Variants in CCDC91 observed in about 807,000 individuals in gnomAD.
The protein encoded by CCDC91 is coiled-coil domain containing 91.
A neutral mutation model predicts 63.2 loss-of-function variants in CCDC91; 48 were observed. That is an observed-to-expected ratio of 0.76 (90% CI 0.60 to 0.97). CCDC91 has a LOEUF of 0.97. Among genes scored for constraint, CCDC91 ranks in the 50% least tolerant of loss-of-function variants. The probability of loss-of-function intolerance (pLI) is 0.00; values close to 1 mark genes in which losing one functional copy is unlikely to be tolerated. For missense variants in CCDC91, 500 were observed against 494.6 expected (o/e 1.01, Z -0.10); for synonymous variants, 167 against 165.8 (o/e 1.01, Z -0.06).
intron 1 of CCDC91, chr12:28,256,604 C>T (rs773383352): frequency 6.6e-6 from 1 of 152,170 alleles, no homozygotes; most frequent in Non-Finnish European, 1.5e-5. Flanking sequence ...TCCCTCATCT[C>T]CCATGAATAC....
chr12:28,444,025 T>C (rs550152418), intron 8 of CCDC91, among the ~76,000 whole-genome samples: 3 of 152,164 alleles, frequency 2.0e-5, no homozygotes, highest in Non-Finnish European at 4.4e-5. Flanking sequence ...GGTGATAGCA[T>C]CATTGGTCAC....
chr12:28,418,020 T>C (rs1947785070), intron 8 of CCDC91, among the ~76,000 whole-genome samples: 1 of 152,156 alleles, frequency 6.6e-6, no homozygotes, highest in Non-Finnish European at 1.5e-5. Context: ...AAATCTGCAA[T>C]AAAACATACA....
chr12:28,346,158 A>G (rs1942796524), intron 6 of CCDC91, among the ~76,000 whole-genome samples: 1 of 152,138 alleles, frequency 6.6e-6, no homozygotes, highest in African/African-American at 2.4e-5. Context: ...GTGAATCTCA[A>G]GTGTCCTGGC....
chr12:28,404,136 T>C lies in CCDC91; in HGVS notation c.762+12725T>C, dbSNP rs77624152. Among the ~76,000 whole-genome samples, 436 of 152,238 alleles carry C rather than the reference T, an allele frequency of 2.9e-3. 2 individuals are homozygous for C. Among genetic ancestry groups the C allele is most frequent in the African/African-American group, 0.01 (420 of 41,578 alleles). The stretch of plus-strand genomic sequence containing the variant: ...TGTTAATTTTAGATCTTTCTTCTCT[T>C]CTAATACATGAATTCAATATTTTAA... On this transcript the variant is annotated intron_variant, in intron 8 of 12. Coordinates refer to ENST00000536442, the MANE Select transcript of CCDC91 (RefSeq NM_018318.5).
chr12:28,437,009 G>T (rs1300958152), intron 8 of CCDC91, among the ~76,000 whole-genome samples: 1 of 151,338 alleles, frequency 6.6e-6, no homozygotes, highest in Non-Finnish European at 1.5e-5. Flanking sequence ...ATGCAGTGGT[G>T]CAGTCTCTTT....
At chr12:28,197,510 A>G (rs1312321343) in intron 1 of CCDC91, among the ~76,000 whole-genome samples, 5 of 152,106 alleles carry the variant, frequency 3.3e-5, no homozygotes, top group African/African-American at 9.7e-5. Context: ...TTTTGGTAGT[A>G]ACATTTTTTT....
intron 11 of CCDC91, among the ~76,000 whole-genome samples, chr12:28,457,212 C>CA (rs1950095631): frequency 1.3e-5 from 2 of 151,952 alleles, no homozygotes; most frequent in South Asian, 4.2e-4. Flanking sequence ...AGTCAGTGCT[C>CA]ATTCTGTCTT....
At chr12:28,491,830 G>A (rs1952017209) in intron 12 of CCDC91, among the ~76,000 whole-genome samples, 1 of 150,678 alleles carries the variant, frequency 6.6e-6, no homozygotes, top group African/African-American at 2.4e-5. Context: ...ATATTGATAT[G>A]CCCTTCAGCC....
rs554129584 is a variant in CCDC91, at chr12:28,337,113, T to C, written c.577-25325T>C. Reference sequence around the variant, plus strand: ...AAGTAGCTTTTCCATCCAGGTCAATTGCCCCCAGTTAGAAATCATTAATTT... The same window carrying C: ...AAGTAGCTTTTCCATCCAGGTCAATCGCCCCCAGTTAGAAATCATTAATTT... On this transcript the variant is annotated intron_variant, in intron 6 of 12. Coordinates refer to ENST00000536442, the MANE Select transcript of CCDC91 (RefSeq NM_018318.5). Among the ~76,000 whole-genome samples, 14 of 152,222 alleles carry C rather than the reference T, an allele frequency of 9.2e-5. 1 individual carries two copies. In the East Asian group the frequency reaches 2.7e-3, roughly 29 times the overall value.
chr12:28,219,296 A>G (rs1448686367), intron 1 of CCDC91, among the ~76,000 whole-genome samples: 12 of 152,092 alleles, frequency 7.9e-5, no homozygotes, highest in Non-Finnish European at 1.5e-5. Context: ...AGGTTATCTT[A>G]TTATTTATAT....
In CCDC91 at chr12:28,295,002, A is replaced by C. The variant is rs115050118; in HGVS notation, c.110-10647A>C. Among the ~76,000 whole-genome samples the C allele has an allele frequency of 4.6e-3, 702 of 152,354 alleles. 8 individuals are homozygous for C. Among genetic ancestry groups the C allele is most frequent in the African/African-American group, 0.014 (592 of 41,574 alleles). ...AAAATGAAAACTATTCATTGTCTACATTCAGCACAAGTTTCAGGGTTATCT... is the reference window on the plus strand; with the variant it reads ...AAAATGAAAACTATTCATTGTCTACCTTCAGCACAAGTTTCAGGGTTATCT... On this transcript the variant is annotated intron_variant, in intron 3 of 12. Coordinates refer to ENST00000536442, the MANE Select transcript of CCDC91 (RefSeq NM_018318.5).
At chr12:28,545,431 G>T (rs575178840) in intron 12 of CCDC91, among the ~76,000 whole-genome samples, 8 of 152,152 alleles carry the variant, frequency 5.3e-5, no homozygotes, top group African/African-American at 1.7e-4. Context: ...TAAGAGAAAG[G>T]TTGTATGTGT....
intron 12 of CCDC91, among the ~76,000 whole-genome samples, chr12:28,509,758 C>T (rs943072265): frequency 6.6e-6 from 1 of 151,758 alleles, no homozygotes; most frequent in Non-Finnish European, 1.5e-5. Flanking sequence ...ATTATGGGAA[C>T]AAGAGAGTGG....
chr12:28,325,937 G>T (rs1166328023), intron 6 of CCDC91, among the ~76,000 whole-genome samples: 1 of 151,976 alleles, frequency 6.6e-6, no homozygotes, highest in African/African-American at 2.4e-5. Context: ...GCACAGTAAG[G>T]AACTATAGGA....
At chr12:28,469,091 G>C (rs1166569148) in intron 11 of CCDC91, among the ~76,000 whole-genome samples, 1 of 151,946 alleles carries the variant, frequency 6.6e-6, no homozygotes, top group East Asian at 1.9e-4. Context: ...AGCTAGAGTA[G>C]TCAGACAAGA....
chr12:28,387,857 A>G (rs976262443), intron 7 of CCDC91, among the ~76,000 whole-genome samples: 2 of 152,098 alleles, frequency 1.3e-5, no homozygotes, highest in Non-Finnish European at 2.9e-5. Flanking sequence ...CGTGTGTTCA[A>G]GTATCTTTTT....
chr12:28,321,992 A>G (rs1265152081), intron 6 of CCDC91, among the ~76,000 whole-genome samples: 3 of 151,776 alleles, frequency 2.0e-5, no homozygotes, highest in African/African-American at 2.4e-5. Context: ...GTAATACACT[A>G]TAGCTTTAAT....
chr12:28,516,246 G>C (rs551062149), intron 12 of CCDC91, among the ~76,000 whole-genome samples: 1 of 151,890 alleles, frequency 6.6e-6, no homozygotes, highest in Non-Finnish European at 1.5e-5. Flanking sequence ...TTAGGATACT[G>C]TCTTGGTCTG....
chr12:28,229,772 T>C (rs11049472), intron 1 of CCDC91, among the ~76,000 whole-genome samples: 31,239 of 147,198 alleles, frequency 0.21, 4,202 homozygotes, highest in Non-Finnish European at 0.31. Context: ...TGATTATTAA[T>C]GATGGGGACA....
Sources: allele counts gnomAD v4.1 joint callset (sites outside exome capture counted in the v4.1 genomes callset), GRCh38; gene constraint gnomAD v4.1.1; transcripts MANE v1.5; gene names NCBI Gene and HGNC (gene_info 2026-07-23, HGNC 2026-07-21).